IDE: variants seen among roughly 807,000 people sequenced by gnomAD.
The protein encoded by IDE is insulin degrading enzyme.
In IDE, 58 loss-of-function variants were observed where a neutral mutation model predicts 133.2. That is an observed-to-expected ratio of 0.44 (90% confidence interval 0.35 to 0.54). The LOEUF is 0.54. IDE is among the 20% of genes least tolerant of loss of function. IDE has a pLI of 0.00. For missense variants in IDE, 981 were observed against 1,234.0 expected, an observed-to-expected ratio of 0.79 and a Z score of 3.07; for synonymous variants, 396 against 421.3, an observed-to-expected ratio of 0.94 and a Z score of 0.73.
At chr10:92,473,182 G>C (rs1038896216) in intron 17 of IDE, among the ~76,000 whole-genome samples, 1 of 151,802 alleles carries the variant, frequency 6.6e-6, no homozygotes, top group South Asian at 2.1e-4. Flanking sequence ...CGCCTGCCTC[G>C]GCCTCCTAAA....
At chr10:92,539,332 G>A (rs891278856) in intron 1 of IDE, among the ~76,000 whole-genome samples, 24 of 152,156 alleles carry the variant, frequency 1.6e-4, no homozygotes, top group African/African-American at 5.8e-4. Context: ...ACAACAGATA[G>A]TGCTAATGGT....
At position 92,487,220 on chromosome 10, in the gene IDE, C is replaced by T. The variant is rs112507436; in HGVS notation, c.1632G>A (p.Ala544=). ...CCTTAATAAGAGCAGGGTATGGTGT[C>T]GCCTCTTTTTCTAACGGTAAAATCT... ...NFEILPLEKE[A]TPYPALIKDT... Residue 544 remains alanine (A), a synonymous_variant, in exon 13 of 25, where the codon GCG becomes GCA. Transcript: ENST00000265986. 63 of 1,613,184 alleles carry T rather than the reference C, an allele frequency of 3.9e-5. No individual in the cohort carries two copies. The highest frequency in any genetic ancestry group is 2.0e-4 in the African/African-American group (15 of 74,858).
chr10:92,550,501 A>T (rs965556061), intron 1 of IDE, among the ~76,000 whole-genome samples: 17 of 151,160 alleles, frequency 1.1e-4, no homozygotes, highest in African/African-American at 4.1e-4. Flanking sequence ...AATACAAAAA[A>T]TTAGCCGGGT....
rs992381429 is a variant in IDE, at chr10:92,454,072, G to A, written c.*372C>T. ...AATGTTGTGAAGCCTTCTATGTCAA[G>A]CTAGGAGGCTTTTAGAAAAGAGCTA... is the stretch of plus-strand genomic sequence containing the variant. On this transcript the variant is annotated 3_prime_UTR_variant, in exon 25 of 25. Transcript: ENST00000265986. 4 of 163,410 alleles carry A rather than the reference G, an allele frequency of 2.4e-5. No individual in the cohort carries two copies. Among genetic ancestry groups the A allele is most frequent in the African/African-American group, 9.6e-5 (4 of 41,584 alleles). 10.1% of individuals were successfully genotyped at this position (163,410 alleles called of 1,614,324 possible). A position where few individuals can be genotyped will look rare whatever the true frequency, so the allele number is the denominator to read the frequency against.
At chr10:92,502,529 G>T (rs1290562920) in intron 11 of IDE, among the ~76,000 whole-genome samples, 2 of 152,248 alleles carry the variant, frequency 1.3e-5, no homozygotes, top group African/African-American at 4.8e-5. Flanking sequence ...ATTGGTTCCA[G>T]ATTTTTGAAG....
At chr10:92,525,864 A>G (rs1204881640) in intron 4 of IDE, among the ~76,000 whole-genome samples, 8 of 152,080 alleles carry the variant, frequency 5.3e-5, no homozygotes, top group Non-Finnish European at 4.4e-5. Context: ...CCAAAAAAGT[A>G]AAAGATCTCA....
intron 11 of IDE, among the ~76,000 whole-genome samples, chr10:92,495,831 G>GT (rs1450805584): frequency 6.6e-6 from 1 of 151,226 alleles, no homozygotes; most frequent in Admixed American, 6.6e-5. Context: ...GAAAGCTAAA[G>GT]TGCTAAAGGA....
chr10:92,542,957 CT>C (rs1673314017), intron 1 of IDE, among the ~76,000 whole-genome samples: 1 of 152,218 alleles, frequency 6.6e-6, no homozygotes, highest in South Asian at 2.1e-4. Context: ...ACCTTTCAGT[CT>C]TTCTCATCTC....
intron 4 of IDE, among the ~76,000 whole-genome samples, chr10:92,524,332 ATATAT>A (rs1410703637): frequency 5.4e-5 from 4 of 73,876 alleles, no homozygotes; most frequent in African/African-American, 1.1e-4. Flanking sequence ...ATATTATTAT[ATATAT>A]TATATTATAT....
intron 15 of IDE, chr10:92,478,515 A>C (rs1440342965): frequency 2.7e-6 from 1 of 371,262 alleles, no homozygotes; most frequent in African/African-American, 2.2e-5. Context: ...GAGTTCTTTG[A>C]TCATCAAAAA....
rs573465343 is a variant in IDE, at chr10:92,535,305, G to A, written c.284-520C>T. ...TTTTTATTAGAGGCGGGGTTTCACC[G>A]TGTTAGCCAGGATGGTCTCGATCTC... On this transcript the variant is annotated intron_variant, in intron 2 of 24. Coordinates refer to ENST00000265986, the MANE Select transcript of IDE (RefSeq NM_004969.4). Among the ~76,000 whole-genome samples, 123 of 152,150 alleles carry A rather than the reference G, an allele frequency of 8.1e-4. 1 individual carries two copies. Among genetic ancestry groups the A allele is most frequent in the African/African-American group, 2.7e-3 (114 of 41,516 alleles).
chr10:92,494,444 T>A (rs1847569401), intron 11 of IDE, among the ~76,000 whole-genome samples: 1 of 151,516 alleles, frequency 6.6e-6, no homozygotes, highest in African/African-American at 2.4e-5. Flanking sequence ...ATGTGATCCT[T>A]AGAAATGAGA....
chr10:92,510,982 A>T (rs1848593973), intron 5 of IDE, among the ~76,000 whole-genome samples: 1 of 150,368 alleles, frequency 6.7e-6, no homozygotes, highest in Admixed American at 6.7e-5. Context: ...CAGTCATAGG[A>T]TGGAATAAAG....
At chr10:92,513,274 C>A (rs1000026378) in intron 5 of IDE, among the ~76,000 whole-genome samples, 2 of 152,102 alleles carry the variant, frequency 1.3e-5, no homozygotes, top group African/African-American at 2.4e-5. Context: ...CTCACTGCAG[C>A]CTCCACCCCC....
intron 11 of IDE, among the ~76,000 whole-genome samples, chr10:92,497,971 G>GT (rs1011248353): frequency 1.3e-5 from 2 of 152,114 alleles, no homozygotes; most frequent in Non-Finnish European, 2.9e-5. Flanking sequence ...TTAAATCATG[G>GT]TTTTTTCTTA....
At chr10:92,469,346 T>A (rs1245009928) in intron 18 of IDE, among the ~76,000 whole-genome samples, 2 of 152,154 alleles carry the variant, frequency 1.3e-5, no homozygotes, top group African/African-American at 4.8e-5. Context: ...TTGGTAAGAA[T>A]CTTGCTTCTG....
At chr10:92,465,152 T>A (rs1312481080) in intron 20 of IDE, among the ~76,000 whole-genome samples, 4 of 152,216 alleles carry the variant, frequency 2.6e-5, no homozygotes, top group Non-Finnish European at 1.5e-5. Flanking sequence ...GAGAGACTCA[T>A]CCTTTTTTCA....
At chr10:92,551,854 G>A (rs1842799288) in intron 1 of IDE, among the ~76,000 whole-genome samples, 2 of 151,966 alleles carry the variant, frequency 1.3e-5, no homozygotes, top group Non-Finnish European at 2.9e-5. Context: ...GCTCAAAATG[G>A]GCCAGGTGCA....
chr10:92,468,835 A>G, intron 19 of IDE, 44 bp downstream of exon 19: 1 of 1,008,992 alleles, frequency 9.9e-7, no homozygotes, highest in Non-Finnish European at 1.6e-6. Context: ...CCACACTGTT[A>G]TGTCAAAATA....
Sources: gnomAD v4.1 joint callset for allele counts (sites outside exome capture counted in the v4.1 genomes callset) on GRCh38, gnomAD v4.1.1 for gene constraint, MANE v1.5 for transcripts, NCBI Gene and HGNC (gene_info 2026-07-23, HGNC 2026-07-21) for gene names.